The following SMOC2 variants were observed in gnomAD, a reference collection of about 807,000 sequenced individuals.
SMOC2 encodes the protein SPARC-related modular calcium-binding protein 2.
In SMOC2, 39 loss-of-function variants were observed where a neutral mutation model predicts 61.4. The ratio of observed to expected loss-of-function variants is 0.64; its 90% CI spans 0.49 to 0.83. SMOC2 has a LOEUF of 0.83. SMOC2 is among the 40% of genes least tolerant of loss of function. The pLI is 0.00. For missense variants in SMOC2, 556 were observed against 592.9 expected (o/e 0.94, Z 0.65); for synonymous variants, 247 against 239.9 (o/e 1.03, Z -0.27).
chr6:168,495,196 C>G (rs1275099182), intron 1 of SMOC2, among the ~76,000 whole-genome samples: 1 of 152,226 alleles, frequency 6.6e-6, no homozygotes, highest in Non-Finnish European at 1.5e-5. Context: ...TTGTCTTGCT[C>G]TGAGTGAGTC....
chr6:168,519,102 T>C (rs565259820), intron 2 of SMOC2, among the ~76,000 whole-genome samples: 93 of 144,284 alleles, frequency 6.4e-4, no homozygotes, highest in African/African-American at 2.3e-3. Flanking sequence ...AACATGCGTG[T>C]GTGAACGCGT....
chr6:168,665,080 A>T (rs1434738806), intron 12 of SMOC2: 1 of 287,022 alleles, frequency 3.5e-6, no homozygotes, highest in Non-Finnish European at 6.8e-6. Context: ...ATCTCACCGC[A>T]AATCACTTAC....
At chr6:168,525,765 C>T (rs1171963824) in intron 2 of SMOC2, among the ~76,000 whole-genome samples, 4 of 152,096 alleles carry the variant, frequency 2.6e-5, no homozygotes, top group Admixed American at 1.3e-4. Flanking sequence ...AGAAAAGGGA[C>T]GAGCCACGCT....
At chr6:168,560,260 C>T (rs916439022) in intron 7 of SMOC2, among the ~76,000 whole-genome samples, 1 of 152,134 alleles carries the variant, frequency 6.6e-6, no homozygotes, top group African/African-American at 2.4e-5. Context: ...TAACTAATGC[C>T]AGAATACGTC....
chr6:168,518,628 CATGTGTGAGTGT>C (rs1265204710), intron 2 of SMOC2, among the ~76,000 whole-genome samples: 1 of 106,592 alleles, frequency 9.4e-6, no homozygotes, highest in African/African-American at 2.7e-5. Flanking sequence ...TGACTGAGTG[CATGTGTGAGTGT>C]ATGCTTGTGT....
chr6:168,632,872 G>A (rs549770976), intron 9 of SMOC2, among the ~76,000 whole-genome samples: 3 of 152,218 alleles, frequency 2.0e-5, no homozygotes, highest in South Asian at 2.1e-4. Flanking sequence ...ATGTGAATTC[G>A]CTGACCTCTA....
At chr6:168,505,471 C>T (rs369982269) in intron 1 of SMOC2, among the ~76,000 whole-genome samples, 11 of 148,888 alleles carry the variant, frequency 7.4e-5, no homozygotes, top group Admixed American at 2.0e-4. Flanking sequence ...TCTCAGATGC[C>T]GGATGAATGA....
At chr6:168,592,266 C>T (rs374081695) in intron 7 of SMOC2, among the ~76,000 whole-genome samples, 127 of 151,298 alleles carry the variant, frequency 8.4e-4, no homozygotes, top group African/African-American at 2.9e-3. Context: ...TAAGGCCTCA[C>T]GGGCATCTTT....
intron 9 of SMOC2, among the ~76,000 whole-genome samples, chr6:168,644,257 T>A (rs1241324999): frequency 6.6e-6 from 1 of 152,208 alleles, no homozygotes; most frequent in Admixed American, 6.5e-5. Context: ...GAATTTCCCC[T>A]TTGTTTCTCT....
At chr6:168,659,506 G>A (rs1178792217) in intron 11 of SMOC2, among the ~76,000 whole-genome samples, 1 of 152,242 alleles carries the variant, frequency 6.6e-6, no homozygotes, top group African/African-American at 2.4e-5. Flanking sequence ...GTATTGGTGA[G>A]GGTGGAGGTT....
At chr6:168,488,429 C>T (rs565775546) in intron 1 of SMOC2, among the ~76,000 whole-genome samples, 1 of 152,348 alleles carries the variant, frequency 6.6e-6, no homozygotes, top group South Asian at 2.1e-4. Flanking sequence ...TCACTCAGTT[C>T]TGGAGGGTGC....
intron 1 of SMOC2, among the ~76,000 whole-genome samples, chr6:168,470,734 G>C (rs1440725630): frequency 6.6e-6 from 1 of 152,076 alleles, no homozygotes; most frequent in African/African-American, 2.4e-5. Flanking sequence ...TGGGTATCCT[G>C]TGACATTACT....
At chr6:168,449,948 T>C (rs1351993891) in intron 1 of SMOC2, among the ~76,000 whole-genome samples, 3 of 152,206 alleles carry the variant, frequency 2.0e-5, no homozygotes, top group Non-Finnish European at 2.9e-5. Context: ...CCGACCCTGG[T>C]CAGGACTGTG....
chr6:168,469,930 C>CT (rs1283325175), intron 1 of SMOC2, among the ~76,000 whole-genome samples: 1 of 152,228 alleles, frequency 6.6e-6, no homozygotes, highest in Non-Finnish European at 1.5e-5. Flanking sequence ...ATAATTTTCT[C>CT]TAAGTTTTAT....
intron 11 of SMOC2, among the ~76,000 whole-genome samples, chr6:168,658,911 GGT>G (rs1369772374): frequency 1.4e-5 from 2 of 144,380 alleles, no homozygotes; most frequent in South Asian, 4.4e-4. Flanking sequence ...TGGTGTGTGT[GGT>G]GTGTGTGTGT....
intron 8 of SMOC2, among the ~76,000 whole-genome samples, chr6:168,606,346 A>G (rs1314118485): frequency 6.6e-6 from 1 of 152,216 alleles, no homozygotes; most frequent in East Asian, 1.9e-4. Context: ...AGAGTGTGTC[A>G]GAGACTTTAA....
At position 168,535,590 on chromosome 6, in the gene SMOC2, A is replaced by G. The variant is rs1783711984; in HGVS notation, c.463+7863A>G. 6.6e-6 allele frequency among the ~76,000 whole-genome samples: 1 copy of G among 152,214 alleles called. No individual in the cohort carries two copies. The highest frequency in any genetic ancestry group is 2.1e-4 in the South Asian group (1 of 4,826). ...AAGGCAGAATCACTAGGATAGAAAA[A>G]GACCCACGAAGCATAAAAGCCGGTG... On this transcript the variant is annotated intron_variant, in intron 4 of 12. Coordinates refer to ENST00000356284, the MANE Select transcript of SMOC2 (RefSeq NM_001166412.2). The surrounding 1 kb of genome is among the most constrained non-coding windows in gnomAD (Gnocchi z 4.6).
intron 4 of SMOC2, among the ~76,000 whole-genome samples, chr6:168,542,749 CATTACT>C (rs1331985377): frequency 6.6e-6 from 1 of 152,066 alleles, no homozygotes; most frequent in Non-Finnish European, 1.5e-5. Context: ...TTTCCTGCCA[CATTACT>C]ATTGCATTTC....
chr6:168,571,641 CT>C (rs1161831558), intron 7 of SMOC2, among the ~76,000 whole-genome samples: 1 of 152,162 alleles, frequency 6.6e-6, no homozygotes, highest in Non-Finnish European at 1.5e-5. Context: ...GGTAGGGACA[CT>C]TCCATGAGGA....
Sources: allele counts gnomAD v4.1 joint callset (sites outside exome capture counted in the v4.1 genomes callset), GRCh38; gene constraint gnomAD v4.1.1; non-coding constraint Gnocchi (gnomAD v3.1); transcripts MANE v1.5; gene names NCBI Gene and HGNC (gene_info 2026-07-23, HGNC 2026-07-21).